Variants in FDFT1 observed in about 807,000 individuals in gnomAD.
FDFT1 encodes farnesyl-diphosphate farnesyltransferase 1, also known as squalene synthase.
Under a neutral mutation model 46.8 loss-of-function variants are expected in FDFT1, and 68 were observed. That is an observed-to-expected ratio of 1.45 (90% confidence interval 1.19 to 1.78). The LOEUF (loss-of-function observed/expected upper bound fraction) is 1.78. Ranked by LOEUF, FDFT1 falls within the 40% of genes most tolerant of loss-of-function variation. The pLI is 0.00. For synonymous variants in FDFT1, 351 were observed against 185.1 expected (o/e 1.90, Z -7.28); for missense variants, 928 against 524.4 (o/e 1.77, Z -7.52).
chr8:11,801,881 G>A, upstream of FDFT1: 2 of 445,174 alleles, frequency 4.5e-6, no homozygotes, highest in South Asian at 3.1e-5. Flanking sequence ...TAGTAGAGAC[G>A]GGTTTCACCA....
Position 11,808,830 on chromosome 8 carries a change from T to C in FDFT1, c.136T>C (p.Tyr46His), listed in dbSNP as rs1405417240. The change falls in exon 2 of 8, where the codon TAT becomes CAT. Residue 46 changes from tyrosine to histidine, a missense_variant. Physicochemically the swap from Tyr to His is moderately conservative, Grantham distance 83 (BLOSUM62 2). Transcript: ENST00000220584. ...CAGCAGCCTGAAAACTTGCTACAAGTATCTCAATCAGACCAGTCGCAGTTT... is the reference window on the plus strand; with the variant it reads ...CAGCAGCCTGAAAACTTGCTACAAGCATCTCAATCAGACCAGTCGCAGTTT... Reference protein sequence around the residue: ...LSSSLKTCYKYLNQTSRSFAA... With the variant: ...LSSSLKTCYKHLNQTSRSFAA... The C allele has an allele frequency of 1.9e-6, 3 of 1,613,818 alleles. No homozygotes were observed. The highest frequency in any genetic ancestry group is 2.5e-6 in the Non-Finnish European group (3 of 1,179,968).
At chr8:11,836,181 A>G (rs184304257) in intron 7 of FDFT1, among the ~76,000 whole-genome samples, 3 of 151,964 alleles carry the variant, frequency 2.0e-5, no homozygotes, top group Non-Finnish European at 4.4e-5. Context: ...ACAATATACC[A>G]AAACCATTAC....
chr8:11,796,340 C>T (rs11787320), intron 1 of FDFT1, among the ~76,000 whole-genome samples: 15,746 of 152,104 alleles, frequency 0.1, 892 homozygotes, highest in South Asian at 0.11. Flanking sequence ...TAGGCCCAGC[C>T]CTTGTGCTTG....
chr8:11,837,430 C>T (rs1178341117), intron 7 of FDFT1, among the ~76,000 whole-genome samples: 1 of 152,128 alleles, frequency 6.6e-6, no homozygotes, highest in African/African-American at 2.4e-5. Flanking sequence ...CAGGGTTTTA[C>T]TGTGTTGTCC....
At chr8:11,803,601 T>G (rs1330352454) in intron 1 of FDFT1, 1 of 634,288 alleles carries the variant, frequency 1.6e-6, no homozygotes, top group African/African-American at 1.9e-5. Context: ...GTGTTTTTAT[T>G]CCAACAAGAA....
Position 11,815,031 on chromosome 8 carries a change from A to C in FDFT1, c.381+5181A>C, listed in dbSNP as rs547730127. Reference sequence around the variant, plus strand: ...TATCCCTCCCTTGGCCCCCCACCCCACAACAGGCCCCGGTATGTGATGTTC... The same window carrying C: ...TATCCCTCCCTTGGCCCCCCACCCCCCAACAGGCCCCGGTATGTGATGTTC... On this transcript the variant is annotated intron_variant, in intron 3 of 7. Transcript: ENST00000220584. 3.4e-4 allele frequency among the ~76,000 whole-genome samples: 52 copies of C among 151,764 alleles called. 1 individual carries two copies. The South Asian group carries it at 0.011, about 32-fold the overall frequency.
chr8:11,799,399 C>G (rs900874888), upstream of FDFT1, among the ~76,000 whole-genome samples: 26 of 152,198 alleles, frequency 1.7e-4, no homozygotes, highest in African/African-American at 6.3e-4. Flanking sequence ...AAAGAAGAGC[C>G]CTGTGGCAGT....
intron 5 of FDFT1, among the ~76,000 whole-genome samples, chr8:11,827,937 C>G (rs929205728): frequency 1.3e-5 from 2 of 152,054 alleles, no homozygotes; most frequent in African/African-American, 2.4e-5. Flanking sequence ...CACAGTGACT[C>G]CTGCCTATAA....
rs189267371 is a variant in FDFT1, at chr8:11,808,125, A to G, written c.100-669A>G. 7.4e-4 allele frequency: 310 copies of G among 417,370 alleles called. 1 individual carries two copies. The highest frequency in any genetic ancestry group is 4.8e-4 in the Non-Finnish European group (148 of 306,478). 25.9% of individuals were successfully genotyped at this position (417,370 alleles called of 1,614,324 possible). On this transcript the variant is annotated intron_variant, in intron 1 of 7. Transcript: ENST00000220584. ...ACTGAAGTTGGGGGATTCTGGTCAAATCAATTTAGCAGGATTCTTGGTAAA... is the reference window on the plus strand; with the variant it reads ...ACTGAAGTTGGGGGATTCTGGTCAAGTCAATTTAGCAGGATTCTTGGTAAA...
chr8:11,798,467 C>T (rs1283697440), upstream of FDFT1, among the ~76,000 whole-genome samples: 1 of 152,100 alleles, frequency 6.6e-6, no homozygotes, highest in East Asian at 1.9e-4. Context: ...CAAGATGGAG[C>T]AGAGAGGAGA....
intron 3 of FDFT1, among the ~76,000 whole-genome samples, chr8:11,820,653 C>T (rs1214505501): frequency 6.6e-6 from 1 of 152,204 alleles, no homozygotes; most frequent in Middle Eastern, 3.2e-3. Flanking sequence ...AAGCAAGGTT[C>T]CATGGGCATG....
At chr8:11,830,451 G>A (rs765804226) in intron 6 of FDFT1, 31 bp downstream of exon 6, 4 of 1,499,388 alleles carry the variant, frequency 2.7e-6, no homozygotes, top group South Asian at 1.1e-5. Flanking sequence ...GGGTGGATAC[G>A]GGGCTAAAGG....
intron 1 of FDFT1, among the ~76,000 whole-genome samples, chr8:11,796,995 C>T (rs553331279): frequency 2.0e-5 from 3 of 152,288 alleles, no homozygotes; most frequent in East Asian, 1.9e-4. Context: ...TTTAATTGCA[C>T]GCAGATTAAA....
chr8:11,795,774 T>G (rs534140371), exon 1 of FDFT1: 28 of 152,326 alleles, frequency 1.8e-4, no homozygotes, highest in African/African-American at 5.5e-4. Flanking sequence ...ACGCGCCGAC[T>G]TAAGAGCTGT....
intron 6 of FDFT1, 113 bp downstream of exon 6, chr8:11,830,533 C>T (rs902547404): frequency 5.3e-6 from 4 of 761,484 alleles, no homozygotes; most frequent in Non-Finnish European, 8.7e-6. Flanking sequence ...AAGACGATGA[C>T]TCCAGTTTAT....
At chr8:11,816,777 G>C (rs1020759144) in intron 3 of FDFT1, among the ~76,000 whole-genome samples, 3 of 152,172 alleles carry the variant, frequency 2.0e-5, no homozygotes, top group African/African-American at 7.2e-5. Context: ...GGGCTGAGAC[G>C]ATGGGGTTTT....
intron 1 of FDFT1, among the ~76,000 whole-genome samples, chr8:11,806,821 C>T (rs564149594): frequency 6.6e-6 from 1 of 152,092 alleles, no homozygotes; most frequent in Non-Finnish European, 1.5e-5. Context: ...TTTTAAAATC[C>T]TCGATGAATG....
chr8:11,825,893 T>A (rs532360947), intron 4 of FDFT1, 131 bp from the exon 5 acceptor site: 151 of 508,742 alleles, frequency 3.0e-4, no homozygotes, highest in Non-Finnish European at 3.4e-4. Flanking sequence ...TATGTATATT[T>A]GTATTTTAAA....
chr8:11,811,486 G>C (rs985307423), intron 3 of FDFT1, among the ~76,000 whole-genome samples: 3 of 152,224 alleles, frequency 2.0e-5, no homozygotes, highest in African/African-American at 7.2e-5. Context: ...AGAAGTGAGG[G>C]AATATGAAAG....
Sources: allele counts gnomAD v4.1 joint callset (sites outside exome capture counted in the v4.1 genomes callset), GRCh38; gene constraint gnomAD v4.1.1; transcripts MANE v1.5; gene names NCBI Gene and HGNC (gene_info 2026-07-23, HGNC 2026-07-21).